SLC35F3: variants seen among roughly 807,000 people sequenced by gnomAD.
SLC35F3 encodes solute carrier family 35 member F3.
A neutral mutation model predicts 49.9 loss-of-function variants in SLC35F3; 25 were observed. The ratio of observed to expected loss-of-function variants is 0.50; its 90% CI spans 0.37 to 0.70. The LOEUF (loss-of-function observed/expected upper bound fraction) is 0.70. Ranked by LOEUF, SLC35F3 falls within the 30% of genes least tolerant of loss-of-function variation. The pLI is 0.00. For synonymous variants in SLC35F3, 275 were observed against 265.4 expected, an observed-to-expected ratio of 1.04 and a Z score of -0.35; for missense variants, 525 against 639.8, an observed-to-expected ratio of 0.82 and a Z score of 1.94.
At chr1:233,945,031 A>G (rs1252937519) in intron 2 of SLC35F3, among the ~76,000 whole-genome samples, 2 of 151,986 alleles carry the variant, frequency 1.3e-5, no homozygotes, top group African/African-American at 2.4e-5. Context: ...GTGAATTAGT[A>G]TACCTGTGAG....
At chr1:234,318,318 A>C (rs543623417) in intron 5 of SLC35F3, among the ~76,000 whole-genome samples, 1 of 152,278 alleles carries the variant, frequency 6.6e-6, no homozygotes. Context: ...GATGAGCAAA[A>C]TCCCTCCACC....
chr1:234,184,419 A>T (rs755696084), intron 2 of SLC35F3, among the ~76,000 whole-genome samples: 3 of 152,246 alleles, frequency 2.0e-5, no homozygotes, highest in Non-Finnish European at 4.4e-5. Context: ...TTGAGCCTAC[A>T]CACTGTGAGA....
At chr1:234,227,437 T>C (rs1213444223) in intron 2 of SLC35F3, among the ~76,000 whole-genome samples, 1 of 147,828 alleles carries the variant, frequency 6.8e-6, no homozygotes, top group Admixed American at 7.0e-5. Flanking sequence ...CTAGCTCTGT[T>C]GCCCAGGCTG....
intron 2 of SLC35F3, among the ~76,000 whole-genome samples, chr1:234,135,612 A>T (rs1440419277): frequency 6.6e-6 from 1 of 152,238 alleles, no homozygotes; most frequent in African/African-American, 2.4e-5. Context: ...GCAAGTTTCC[A>T]GGAGCCCTCT....
intron 2 of SLC35F3, among the ~76,000 whole-genome samples, chr1:234,159,633 T>C (rs1320225248): frequency 6.6e-6 from 1 of 152,216 alleles, no homozygotes; most frequent in African/African-American, 2.4e-5. Context: ...AATTCTCAGA[T>C]AGGCTTTACA....
intron 2 of SLC35F3, among the ~76,000 whole-genome samples, chr1:234,224,449 G>A (rs1374934729): frequency 6.6e-6 from 1 of 152,144 alleles, no homozygotes; most frequent in Non-Finnish European, 1.5e-5. Flanking sequence ...CGTGAATTTG[G>A]GAAGAACACA....
intron 2 of SLC35F3, among the ~76,000 whole-genome samples, chr1:234,191,370 C>A (rs1666727578): frequency 6.6e-6 from 1 of 152,008 alleles, no homozygotes. Context: ...ATAAAATCAA[C>A]ATGAAAATTT....
At chr1:233,992,178 AC>A (rs1339293527) in intron 2 of SLC35F3, among the ~76,000 whole-genome samples, 2 of 152,076 alleles carry the variant, frequency 1.3e-5, no homozygotes, top group Non-Finnish European at 2.9e-5. Context: ...CAGGAGGGAC[AC>A]CCCCTCTGTT....
intron 2 of SLC35F3, among the ~76,000 whole-genome samples, chr1:234,050,977 G>A (rs1387861921): frequency 6.6e-6 from 1 of 152,142 alleles, no homozygotes; most frequent in African/African-American, 2.4e-5. Context: ...TGAAGGCTCT[G>A]TTCTCTTCCA....
intron 2 of SLC35F3, among the ~76,000 whole-genome samples, chr1:233,908,085 TA>T: frequency 6.6e-6 from 1 of 152,048 alleles, no homozygotes; most frequent in East Asian, 1.9e-4. Flanking sequence ...TTGATAATAA[TA>T]AAGAGGCTTA....
chr1:234,059,124 G>A (rs955915774), intron 2 of SLC35F3, among the ~76,000 whole-genome samples: 3 of 151,804 alleles, frequency 2.0e-5, no homozygotes, highest in East Asian at 1.9e-4. Flanking sequence ...CAAGTGAATA[G>A]CTTTTCGTTT....
intron 2 of SLC35F3, among the ~76,000 whole-genome samples, chr1:234,142,703 G>A (rs1665936684): frequency 6.6e-6 from 1 of 151,836 alleles, no homozygotes; most frequent in Non-Finnish European, 1.5e-5. Flanking sequence ...GGGACCCTAT[G>A]GTTGGAGGTC....
intron 2 of SLC35F3, among the ~76,000 whole-genome samples, chr1:234,205,418 G>C (rs532551256): frequency 6.6e-6 from 1 of 152,206 alleles, no homozygotes; most frequent in East Asian, 1.9e-4. Flanking sequence ...CTGAGATCGC[G>C]CCAGTGCACT....
intron 2 of SLC35F3, among the ~76,000 whole-genome samples, chr1:233,997,427 GATAGTCACTCTA>G (rs1663479163): frequency 6.6e-6 from 1 of 152,132 alleles, no homozygotes; most frequent in African/African-American, 2.4e-5. Flanking sequence ...TCTTTTTGAT[GATAGTCACTCTA>G]ATGGGTGTGA....
At chr1:234,099,576 C>G (rs1012096711) in intron 2 of SLC35F3, among the ~76,000 whole-genome samples, 1 of 145,972 alleles carries the variant, frequency 6.9e-6, no homozygotes, top group East Asian at 2.0e-4. Flanking sequence ...CGCCACTGCA[C>G]TCCAGCCTGG....
intron 2 of SLC35F3, among the ~76,000 whole-genome samples, chr1:234,202,592 T>G (rs7547589): frequency 0.3 from 46,342 of 152,200 alleles, 11,794 homozygotes; most frequent in East Asian, 0.88. Context: ...ATTGAGGGGC[T>G]GTTTTGCTGT....
chr1:234,038,753 C>T (rs1022770638), intron 2 of SLC35F3, among the ~76,000 whole-genome samples: 10 of 152,170 alleles, frequency 6.6e-5, no homozygotes, highest in African/African-American at 2.4e-4. Flanking sequence ...ATCATTCTGG[C>T]TGCCCTCTGG....
Position 234,214,216 on chromosome 1 carries a change from G to T in SLC35F3, c.284-17201G>T. The T allele has an allele frequency of 8.4e-7, 1 of 1,194,010 alleles. No individual in the cohort carries two copies. Among genetic ancestry groups the T allele is most frequent in the Non-Finnish European group, 1.0e-6 (1 of 963,540 alleles). 74.0% of individuals were successfully genotyped at this position (1,194,010 alleles called of 1,614,324 possible). ...AGCAGGGAGTGCACTTGTACGTGAC[G>T]TTGGAGTTTGCAGCAACCTCCAAGT... On this transcript the variant is annotated intron_variant, in intron 2 of 7. Transcript: ENST00000366618. This position sits in a 1 kb window ranked among gnomAD's most constrained non-coding sequence, Gnocchi z 8.0.
chr1:233,931,438 C>T (rs536803212), intron 2 of SLC35F3, among the ~76,000 whole-genome samples: 11 of 152,274 alleles, frequency 7.2e-5, no homozygotes, highest in African/African-American at 1.9e-4. Flanking sequence ...AACAAATTTA[C>T]AAGAAACAAC....
Sources: gnomAD v4.1 joint callset for allele counts (sites outside exome capture counted in the v4.1 genomes callset) on GRCh38, gnomAD v4.1.1 for gene constraint, Gnocchi (gnomAD v3.1) non-coding constraint, MANE v1.5 for transcripts, NCBI Gene and HGNC (gene_info 2026-07-23, HGNC 2026-07-21) for gene names.